The following LUC7L variants were observed in gnomAD, a reference collection of about 807,000 sequenced individuals.
LUC7L encodes putative RNA-binding protein Luc7-like 1.
A neutral mutation model predicts 51.1 loss-of-function variants in LUC7L; 29 were observed. The ratio of observed to expected loss-of-function variants is 0.57; its 90% CI spans 0.42 to 0.77. The LOEUF (loss-of-function observed/expected upper bound fraction) is 0.77, where lower values mean the gene tolerates loss of function less well. Ranked by LOEUF, LUC7L falls within the 30% of genes least tolerant of loss-of-function variation. LUC7L has a pLI of 0.00. For missense variants in LUC7L, 403 were observed against 511.9 expected (o/e 0.79, Z 2.05); for synonymous variants, 181 against 180.7 (o/e 1.00, Z -0.01).
intron 8 of LUC7L, 42 bp from the exon 9 acceptor site, chr16:190,177 C>T: frequency 6.4e-7 from 1 of 1,551,286 alleles, no homozygotes; most frequent in Non-Finnish European, 8.8e-7. Flanking sequence ...TCTATAGGTG[C>T]CAACACTATG....
chr16:205,469 A>G (rs1034467317), intron 5 of LUC7L, among the ~76,000 whole-genome samples: 3 of 152,248 alleles, frequency 2.0e-5, no homozygotes, highest in Admixed American at 6.5e-5. Flanking sequence ...AAGTCAACGT[A>G]GACCCACTGA....
At chr16:199,514 G>A (rs892064736) in intron 5 of LUC7L, among the ~76,000 whole-genome samples, 2 of 152,140 alleles carry the variant, frequency 1.3e-5, no homozygotes, top group African/African-American at 4.8e-5. Flanking sequence ...GCTCACGCCT[G>A]TAATCCCAGC....
chr16:191,237 C>T, intron 7 of LUC7L, among the ~76,000 whole-genome samples: 1 of 152,178 alleles, frequency 6.6e-6, no homozygotes, highest in Admixed American at 6.5e-5. Context: ...GTGCAGACAG[C>T]GAGTGGGGCA....
intron 6 of LUC7L, among the ~76,000 whole-genome samples, chr16:194,080 G>C (rs1384750450): frequency 6.6e-6 from 1 of 151,788 alleles, no homozygotes; most frequent in African/African-American, 2.4e-5. Context: ...TGGGATTATA[G>C]GCATGAGCCA....
rs984357572 is a variant in LUC7L at position 197,554 on chromosome 16, C to A, written c.687+1508G>T. Reference sequence around the variant, plus strand: ...ACCTATAAACTTATAAAGAAAAATTCCAACTTTGACAGAGTACATTGCTTT... The same window carrying A: ...ACCTATAAACTTATAAAGAAAAATTACAACTTTGACAGAGTACATTGCTTT... On this transcript the variant is annotated intron_variant, in intron 6 of 9. Transcript: ENST00000293872. Among the ~76,000 whole-genome samples the A allele has an allele frequency of 3.9e-5, 6 of 152,280 alleles. No homozygotes were observed. The East Asian group carries it at 9.7e-4, about 25-fold the overall frequency.
intron 8 of LUC7L, 72 bp from the exon 9 acceptor site, chr16:190,207 G>A: frequency 7.7e-7 from 1 of 1,304,930 alleles, no homozygotes; most frequent in Non-Finnish European, 1.1e-6. Flanking sequence ...CCCCTCAGCA[G>A]ATTCTGCTTG....
chr16:199,353 T>G, intron 5 of LUC7L, 115 bp from the exon 6 acceptor site: 1 of 674,184 alleles, frequency 1.5e-6, no homozygotes, highest in East Asian at 2.7e-5. Context: ...AAACAAATAT[T>G]AAAAAAACAC....
intron 5 of LUC7L, among the ~76,000 whole-genome samples, chr16:200,039 C>T (rs1043363791): frequency 6.6e-6 from 1 of 152,038 alleles, no homozygotes; most frequent in African/African-American, 2.4e-5. Context: ...GCCTGTAATC[C>T]CAGCATTCCG....
chr16:195,094 C>T (rs2049114169), intron 6 of LUC7L, among the ~76,000 whole-genome samples: 1 of 152,164 alleles, frequency 6.6e-6, no homozygotes, highest in South Asian at 2.1e-4. Flanking sequence ...GTGTCTGAAG[C>T]AGGGCACACA....
intron 5 of LUC7L, among the ~76,000 whole-genome samples, chr16:203,146 T>TA (rs201219633): frequency 0.011 from 1,626 of 150,904 alleles, 32 homozygotes; most frequent in African/African-American, 0.032. Context: ...AGACTCCGTG[T>TA]AAAAAAAAAG....
chr16:190,826 G>C (rs2048992002), intron 7 of LUC7L: 1 of 474,262 alleles, frequency 2.1e-6, no homozygotes, highest in Non-Finnish European at 3.7e-6. Flanking sequence ...GTTGCAGTGA[G>C]CTGAGATTGT....
rs758689520 is a variant in LUC7L at position 206,115 on chromosome 16, T to C, written c.399A>G (p.Ile133Met). ...GTTCGGCTTTAGCAAGGAGTTTTCC[T>C]ATTTCTTCATTTAACTCATGTACTT... Reference protein sequence around the residue: ...AEKVHELNEEIGKLLAKAEQL... With the variant: ...AEKVHELNEEMGKLLAKAEQL... Residue 133 changes from isoleucine (I) to methionine (M), a missense_variant, in exon 5 of 10, where the codon ATA becomes ATG. Ile to Met is a conservative substitution (Grantham distance 10). This residue lies in a region of LUC7L where 182 missense variants were observed against 248.4 expected (regional missense o/e 0.73). Transcript: ENST00000293872. 7 of 1,613,802 alleles carry C rather than the reference T, an allele frequency of 4.3e-6. No homozygotes were observed. Among genetic ancestry groups the C allele is most frequent in the Non-Finnish European group, 5.1e-6 (6 of 1,179,936 alleles).
intron 3 of LUC7L, among the ~76,000 whole-genome samples, chr16:215,083 CT>C (rs1000576118): frequency 2.6e-5 from 4 of 151,986 alleles, no homozygotes; most frequent in South Asian, 2.1e-4. Flanking sequence ...TGTATTACAT[CT>C]TTTTTTTCCT....
At chr16:197,453 C>G (rs2049183584) in intron 6 of LUC7L, among the ~76,000 whole-genome samples, 1 of 151,892 alleles carries the variant, frequency 6.6e-6, no homozygotes, top group Non-Finnish European at 1.5e-5. Context: ...CCTCGTGATC[C>G]ACCTGCCTCG....
rs2048992467 is a variant in LUC7L, at chr16:190,851, G to C, written c.777-281C>G. 1.6e-5 allele frequency: 6 copies of C among 379,234 alleles called. 1 individual carries two copies. The South Asian group carries it at 4.2e-4, about 27-fold the overall frequency. The allele number at this position is 379,234 out of a possible 1,614,324, so 23.5% of individuals were successfully genotyped here. A position where few individuals can be genotyped will look rare whatever the true frequency, so the allele number is the denominator to read the frequency against. ...GCTGAGATTGTGCCACTGCACTCCAGCCTGGGCAACAAGAATAAAACTTTG... is the reference window on the plus strand; with the variant it reads ...GCTGAGATTGTGCCACTGCACTCCACCCTGGGCAACAAGAATAAAACTTTG... On this transcript the variant is annotated intron_variant, in intron 7 of 9. Transcript: ENST00000293872.
At chr16:196,632 A>T (rs1005671695) in intron 6 of LUC7L, among the ~76,000 whole-genome samples, 6 of 151,258 alleles carry the variant, frequency 4.0e-5, no homozygotes, top group African/African-American at 1.5e-4. Flanking sequence ...GGTTCAAGCG[A>T]TTCTCCTGCC....
At chr16:227,887 G>A (rs2050171139) in intron 1 of LUC7L, 1 of 1,000,634 alleles carries the variant, frequency 1.0e-6, no homozygotes, top group Non-Finnish European at 1.2e-6. Context: ...AAAAAAGAGA[G>A]TTGCTACCTG....
chr16:213,396 T>G (rs969136524), intron 3 of LUC7L, among the ~76,000 whole-genome samples: 1 of 151,102 alleles, frequency 6.6e-6, no homozygotes, highest in Non-Finnish European at 1.5e-5. Context: ...GGCCCACAAT[T>G]TTTTTTTTGG....
chr16:219,297 G>A (rs936718512), intron 3 of LUC7L, among the ~76,000 whole-genome samples: 3 of 152,148 alleles, frequency 2.0e-5, no homozygotes, highest in African/African-American at 4.8e-5. Context: ...GCTAAGGCAG[G>A]AGAATCACTT....
Sources: allele counts gnomAD v4.1 joint callset (sites outside exome capture counted in the v4.1 genomes callset), GRCh38; gene constraint gnomAD v4.1.1; regional missense constraint gnomAD v4.1.1; transcripts MANE v1.5; gene names NCBI Gene and HGNC (gene_info 2026-07-23, HGNC 2026-07-21).